The following HMGB3 variants were observed in gnomAD, a reference collection of about 807,000 sequenced individuals.
HMGB3 encodes the protein high mobility group box 3.
Under a neutral mutation model 12.9 loss-of-function variants are expected in HMGB3, and 1 was observed. The ratio of observed to expected loss-of-function variants is 0.08; its 90% CI spans 0.03 to 0.37. The LOEUF (loss-of-function observed/expected upper bound fraction) is 0.37. Ranked by LOEUF, HMGB3 falls within the 10% of genes least tolerant of loss-of-function variation. The pLI, the probability that HMGB3 is intolerant of heterozygous loss-of-function variation, is 0.99. For missense variants in HMGB3, 74 were observed against 153.3 expected (o/e 0.48, Z 2.73); for synonymous variants, 61 against 53.9 (o/e 1.13, Z -0.57).
At position 150,985,635 on chromosome X, in the gene HMGB3, G is replaced by A; in HGVS notation, c.36G>A (p.Lys12=). 2.5e-6 allele frequency: 3 copies of A among 1,201,993 alleles called. No individual in the cohort carries two copies. The highest frequency in any genetic ancestry group is 3.4e-6 in the Non-Finnish European group (3 of 891,180). Residue 12 remains lysine, a synonymous_variant, in exon 2 of 5, where the codon AAG becomes AAA. Transcript: ENST00000325307. ...GTGACCCCAAGAAACCAAAGGGCAAGATGTCCGCTTATGCCTTCTTTGTGC... is the reference window on the plus strand; with the variant it reads ...GTGACCCCAAGAAACCAAAGGGCAAAATGTCCGCTTATGCCTTCTTTGTGC... ...AKGDPKKPKG[K]MSAYAFFVQT...
At chrX:150,986,616 A>G (rs2048055480) in intron 3 of HMGB3, among the ~76,000 whole-genome samples, 1 of 111,164 alleles carries the variant, frequency 9.0e-6, no homozygotes, top group Admixed American at 9.6e-5. Flanking sequence ...GCGCGTATAT[A>G]TACGCATATA....
At chrX:150,982,142 C>T (rs1247863404), upstream of HMGB3, among the ~76,000 whole-genome samples, 4 of 112,137 alleles carry the variant, frequency 3.6e-5, no homozygotes, top group African/African-American at 9.7e-5. Flanking sequence ...CCCTCAGATA[C>T]TTTCTTTCCA....
intron 1 of HMGB3, among the ~76,000 whole-genome samples, chrX:150,984,057 C>T (rs1320281755): frequency 7.9e-5 from 8 of 100,988 alleles, no homozygotes; most frequent in African/African-American, 2.8e-4. Flanking sequence ...GCGCCGCCGC[C>T]GCCGCTAACA....
intron 1 of HMGB3, chrX:150,983,612 C>G (rs2048012878): frequency 1.3e-6 from 1 of 749,118 alleles, no homozygotes; most frequent in Admixed American, 8.8e-5. Flanking sequence ...TTTTCCAACG[C>G]GTTCCCCGAG....
chrX:150,984,128 G>T (rs1307468155), intron 1 of HMGB3, among the ~76,000 whole-genome samples: 1 of 99,608 alleles, frequency 1.0e-5, no homozygotes, highest in Non-Finnish European at 2.1e-5. Flanking sequence ...GGTCGGCGGG[G>T]CGCCCGGCGG....
In HMGB3 at chrX:150,985,653, C is replaced by T; in HGVS notation, c.54C>T (p.Phe18=). The T allele has an allele frequency of 8.3e-7, 1 of 1,205,336 alleles. No homozygotes were observed. The highest frequency in any genetic ancestry group is 1.1e-6 in the Non-Finnish European group (1 of 891,813). Residue 18 remains phenylalanine, a synonymous_variant, in exon 2 of 5, where the codon TTC becomes TTT. Coordinates refer to ENST00000325307, the MANE Select transcript of HMGB3 (RefSeq NM_005342.4). ...AGGGCAAGATGTCCGCTTATGCCTT[C>T]TTTGTGCAGACATGCAGAGAAGAAC... ...KPKGKMSAYA[F]FVQTCREEHK...
In HMGB3 at chrX:150,988,038, A is replaced by G. The variant is rs1314485313; in HGVS notation, c.*124A>G. The stretch of plus-strand genomic sequence containing the variant: ...TTAATTACAAAATTTGATCACGATC[A>G]TATTGTAGTCTCTCAAAGTGCTCTA... On this transcript the variant is annotated 3_prime_UTR_variant, in exon 5 of 5. Transcript: ENST00000325307. 1.6e-5 allele frequency: 15 copies of G among 924,285 alleles called. No individual in the cohort carries two copies. Among genetic ancestry groups the G allele is most frequent in the Non-Finnish European group, 2.2e-5 (15 of 684,357 alleles). 76.2% of individuals were successfully genotyped at this position (924,285 alleles called of 1,213,427 possible). A position where few individuals can be genotyped will look rare whatever the true frequency, so the allele number is the denominator to read the frequency against.
intron 1 of HMGB3, 157 bp downstream of exon 1, chrX:150,983,533 C>T (rs1301535669): frequency 2.7e-6 from 2 of 737,895 alleles, no homozygotes; most frequent in East Asian, 1.5e-4. Context: ...TCCCCATTCC[C>T]TTCCCGCCCC....
At position 150,983,390 on chromosome X, in the gene HMGB3, C is replaced by A. The variant is rs1428810228; in HGVS notation, c.-6+14C>A. 2.7e-5 allele frequency: 20 copies of A among 746,334 alleles called. No individual in the cohort carries two copies. Among genetic ancestry groups the A allele is most frequent in the Non-Finnish European group, 2.7e-5 (17 of 637,723 alleles). 61.5% of individuals were successfully genotyped at this position (746,334 alleles called of 1,213,427 possible). A position where few individuals can be genotyped will look rare whatever the true frequency, so the allele number is the denominator to read the frequency against. Reference sequence around the variant, plus strand: ...CGAACAATACAGGTACGTCTCGCACCGCCCGCTCCCGCCGCCGCCGCCGCC... The same window carrying A: ...CGAACAATACAGGTACGTCTCGCACAGCCCGCTCCCGCCGCCGCCGCCGCC... On this transcript the variant is annotated intron_variant, in intron 1 of 4. Coordinates refer to ENST00000325307, the MANE Select transcript of HMGB3 (RefSeq NM_005342.4).
In HMGB3 at chrX:150,989,217, T is replaced by C. The variant is rs1369090988; in HGVS notation, c.*1303T>C. ...CTCCTGGCACATATCACATTATTTGTGGTGCCCAACATTTGGGGTCTTGAG... is the reference window on the plus strand; with the variant it reads ...CTCCTGGCACATATCACATTATTTGCGGTGCCCAACATTTGGGGTCTTGAG... On this transcript the variant is annotated 3_prime_UTR_variant, in exon 5 of 5. Coordinates refer to ENST00000325307, the MANE Select transcript of HMGB3 (RefSeq NM_005342.4). The C allele has an allele frequency of 9.0e-6, 1 of 111,672 alleles. No homozygotes were observed. The highest frequency in any genetic ancestry group is 1.9e-5 in the Non-Finnish European group (1 of 53,192). The allele number at this position is 111,672 out of a possible 1,213,427, so 9.2% of individuals were successfully genotyped here. A position where few individuals can be genotyped will look rare whatever the true frequency, so the allele number is the denominator to read the frequency against.
Position 150,989,097 on chromosome X carries a change from G to A in HMGB3, c.*1183G>A, listed in dbSNP as rs2048086416. 1 of 111,805 alleles carries A rather than the reference G, an allele frequency of 8.9e-6. No homozygotes were observed. The highest frequency in any genetic ancestry group is 9.5e-5 in the Admixed American group (1 of 10,539). The allele number at this position is 111,805 out of a possible 1,213,427, so 9.2% of individuals were successfully genotyped here. ...GTCCCACCTCCACCCCCTATTTTGT[G>A]GGGCCAAATGCATTGCTAAACAGCA... On this transcript the variant is annotated 3_prime_UTR_variant, in exon 5 of 5. Transcript: ENST00000325307.
Position 150,987,245 on chromosome X carries a change from C to T in HMGB3, c.408C>T (p.Asp136=), listed in dbSNP as rs781983608. The change falls in exon 4 of 5, where the codon GAC becomes GAT. Residue 136 remains aspartate (D), a synonymous_variant. Transcript: ENST00000325307. Reference sequence around the variant, plus strand: ...GTGAGATGTGGAATAATTTAAATGACAGTGAAAAGCAGCCTTACATCACTA... The same window carrying T: ...GTGAGATGTGGAATAATTTAAATGATAGTGAAAAGCAGCCTTACATCACTA... ...KLGEMWNNLN[D]SEKQPYITKA... is the part of the protein sequence containing the mutation. 4.1e-6 allele frequency: 5 copies of T among 1,209,900 alleles called. No homozygotes were observed. The highest frequency in any genetic ancestry group is 5.6e-6 in the Non-Finnish European group (5 of 894,159).
chrX:150,987,424 C>A, intron 4 of HMGB3, 122 bp downstream of exon 4: 1 of 549,264 alleles, frequency 1.8e-6, no homozygotes, highest in Non-Finnish European at 2.8e-6. Flanking sequence ...GGCCCATCCC[C>A]CTGCAAGGTA....
intron 2 of HMGB3, 147 bp downstream of exon 2, chrX:150,985,896 T>C: frequency 1.2e-6 from 1 of 816,010 alleles, no homozygotes. Context: ...GAATTTTGTG[T>C]GTGTGCTTTT....
chrX:150,986,147 G>A lies in HMGB3; in HGVS notation c.247G>A (p.Gly83Arg). 8.3e-7 allele frequency: 1 copy of A among 1,205,200 alleles called. No individual in the cohort carries two copies. Among genetic ancestry groups the A allele is most frequent in the Non-Finnish European group, 1.1e-6 (1 of 892,082 alleles). Residue 83 changes from glycine (G) to arginine (R), a missense_variant, in exon 3 of 5, where the codon GGA (glycine) becomes AGA (arginine). This residue lies in a region of HMGB3 where 45 missense variants were observed against 123.8 expected (regional missense o/e 0.36). Transcript: ENST00000325307. ...AATGAAGGATTATGGACCAGCTAAG[G>A]GAGGCAAGAAGAAGAAGGATCCTAA... ...REMKDYGPAK[G>R]GKKKKDPNAP...
Position 150,987,267 on chromosome X carries a change from A to G in HMGB3, c.430A>G (p.Thr144Ala). 1 of 1,209,927 alleles carries G rather than the reference A, an allele frequency of 8.3e-7. No homozygotes were observed. The change falls in exon 4 of 5, where the codon ACT (threonine) becomes GCT (alanine). Residue 144 changes from threonine to alanine, a missense_variant. Around this residue, in one of 2 missense-constraint regions of HMGB3, gnomAD observed 45 missense variants for 123.8 expected, o/e 0.36. Transcript: ENST00000325307. ...TGACAGTGAAAAGCAGCCTTACATC[A>G]CTAAGGCGGCAAAGCTGAAGGAGAA... Reference protein sequence around the residue: ...LNDSEKQPYITKAAKLKEKYE... With the variant: ...LNDSEKQPYIAKAAKLKEKYE...
chrX:150,981,719 G>T (rs1557425091), upstream of HMGB3, among the ~76,000 whole-genome samples: 4 of 111,183 alleles, frequency 3.6e-5, no homozygotes, highest in Non-Finnish European at 7.5e-5. Context: ...GCCTCCCAAA[G>T]TACTGGAATT....
At chrX:150,981,847 A>T (rs2047994517), upstream of HMGB3, among the ~76,000 whole-genome samples, 1 of 111,426 alleles carries the variant, frequency 9.0e-6, no homozygotes, top group African/African-American at 3.3e-5. Context: ...GGAGGCTCAG[A>T]GGAGTTGGTA....
At chrX:150,985,554 G>A (rs782802670) in intron 1 of HMGB3, 41 bp from the exon 2 acceptor site, 1 of 1,102,032 alleles carries the variant, frequency 9.1e-7, no homozygotes, top group Admixed American at 2.6e-5. Context: ...ATTCCTCCTT[G>A]CTTTTCCTCA....
Sources: allele counts gnomAD v4.1 joint callset (sites outside exome capture counted in the v4.1 genomes callset), GRCh38; gene constraint gnomAD v4.1.1; regional missense constraint gnomAD v4.1.1; transcripts MANE v1.5; gene names NCBI Gene and HGNC (gene_info 2026-07-23, HGNC 2026-07-21).